The following ADGRB3 variants were observed in gnomAD, a reference collection of about 807,000 sequenced individuals.
ADGRB3 encodes the protein adhesion G protein-coupled receptor B3.
In ADGRB3, 37 loss-of-function variants were observed where a neutral mutation model predicts 193.4. That is an observed-to-expected ratio of 0.19 (90% CI 0.15 to 0.25). The LOEUF (loss-of-function observed/expected upper bound fraction) is 0.25. Ranked by LOEUF, ADGRB3 falls within the 10% of genes least tolerant of loss-of-function variation. ADGRB3 has a pLI of 1.00. For synonymous variants in ADGRB3, 690 were observed against 644.2 expected, an observed-to-expected ratio of 1.07 and a Z score of -1.08; for missense variants, 1,637 against 1,852.9, an observed-to-expected ratio of 0.88 and a Z score of 2.14.
chr6:68,854,379 G>A (rs1489580213), intron 3 of ADGRB3, among the ~76,000 whole-genome samples: 3 of 152,124 alleles, frequency 2.0e-5, no homozygotes, highest in Admixed American at 6.5e-5. Flanking sequence ...TGCTAAGAAG[G>A]TGGATGTATT....
intron 17 of ADGRB3, among the ~76,000 whole-genome samples, chr6:69,213,099 A>T (rs1490657134): frequency 1.3e-5 from 2 of 152,190 alleles, no homozygotes; most frequent in Non-Finnish European, 2.9e-5. Context: ...TTTTGTGAAG[A>T]CTGTGAATAC....
intron 8 of ADGRB3, among the ~76,000 whole-genome samples, chr6:68,968,173 C>T (rs564945506): frequency 6.6e-6 from 1 of 152,108 alleles, no homozygotes; most frequent in Admixed American, 6.6e-5. Context: ...CTCTTACTCC[C>T]CACCTTGATT....
intron 3 of ADGRB3, among the ~76,000 whole-genome samples, chr6:68,913,257 C>T (rs926811477): frequency 6.6e-6 from 1 of 152,136 alleles, no homozygotes; most frequent in Non-Finnish European, 1.5e-5. Flanking sequence ...GGGTCCCTGA[C>T]CCCTGACCCC....
chr6:69,237,610 C>T (rs1009636156), intron 19 of ADGRB3, among the ~76,000 whole-genome samples: 18 of 152,060 alleles, frequency 1.2e-4, no homozygotes, highest in African/African-American at 3.9e-4. Context: ...AAAATAGAAA[C>T]ATATAAAAAC....
chr6:68,979,167 A>G (rs1159329831), intron 10 of ADGRB3, among the ~76,000 whole-genome samples: 1 of 151,350 alleles, frequency 6.6e-6, no homozygotes, highest in Non-Finnish European at 1.5e-5. Flanking sequence ...CTAAGCATAT[A>G]CTATTAATAA....
At chr6:69,344,565 C>T (rs1769045134) in intron 26 of ADGRB3, among the ~76,000 whole-genome samples, 1 of 152,062 alleles carries the variant, frequency 6.6e-6, no homozygotes, top group Non-Finnish European at 1.5e-5. Flanking sequence ...AAAAATGAAG[C>T]CAGTAGTGAT....
At chr6:69,272,014 C>G (rs765012416) in intron 20 of ADGRB3, among the ~76,000 whole-genome samples, 145 of 152,106 alleles carry the variant, frequency 9.5e-4, no homozygotes, top group Non-Finnish European at 6.5e-4. Context: ...CAAGAAAATT[C>G]CAAACACATT....
At chr6:69,092,583 G>T (rs1772741067) in intron 17 of ADGRB3, among the ~76,000 whole-genome samples, 1 of 152,210 alleles carries the variant, frequency 6.6e-6, no homozygotes, top group Admixed American at 6.5e-5. Flanking sequence ...TTGTGTGCAA[G>T]TTACTGGCTG....
At chr6:68,824,619 TATATA>T (rs1333151137) in intron 3 of ADGRB3, among the ~76,000 whole-genome samples, 5 of 148,232 alleles carry the variant, frequency 3.4e-5, no homozygotes, top group Middle Eastern at 7.1e-3. Context: ...TATATCATAA[TATATA>T]ATATATTATA....
intron 3 of ADGRB3, among the ~76,000 whole-genome samples, chr6:68,837,665 T>G (rs967307888): frequency 1.3e-5 from 2 of 152,208 alleles, no homozygotes; most frequent in African/African-American, 4.8e-5. Context: ...GATATGGGCT[T>G]AAAGATGATC....
At chr6:69,004,597 T>C (rs1254665914) in intron 11 of ADGRB3, among the ~76,000 whole-genome samples, 5 of 131,244 alleles carry the variant, frequency 3.8e-5, no homozygotes, top group African/African-American at 1.4e-4. Flanking sequence ...TGGTGTGTGA[T>C]GTTCCCCACC....
intron 20 of ADGRB3, among the ~76,000 whole-genome samples, chr6:69,263,752 C>T (rs1582588799): frequency 6.6e-6 from 1 of 152,024 alleles, no homozygotes; most frequent in Middle Eastern, 3.4e-3. Flanking sequence ...TGTACTATCT[C>T]ACAGTAACTC....
At chr6:68,787,027 T>C (rs1766987984) in intron 3 of ADGRB3, among the ~76,000 whole-genome samples, 1 of 152,190 alleles carries the variant, frequency 6.6e-6, no homozygotes. Flanking sequence ...TTTGCTGAAG[T>C]TCTTATCAGC....
At chr6:68,860,216 G>A (rs555910693) in intron 3 of ADGRB3, among the ~76,000 whole-genome samples, 1 of 152,062 alleles carries the variant, frequency 6.6e-6, no homozygotes, top group East Asian at 1.9e-4. Flanking sequence ...AGTTCAAAAG[G>A]GGAAGAATCT....
chr6:69,107,871 TA>T (rs780481959), intron 17 of ADGRB3, among the ~76,000 whole-genome samples: 23 of 151,986 alleles, frequency 1.5e-4, no homozygotes, highest in Non-Finnish European at 2.9e-4. Context: ...ATGGCAACAG[TA>T]GACACTTGAG....
chr6:69,010,541 A>T (rs1221684189), intron 11 of ADGRB3, among the ~76,000 whole-genome samples: 2 of 152,118 alleles, frequency 1.3e-5, no homozygotes, highest in Non-Finnish European at 2.9e-5. Flanking sequence ...TACTGTGTTA[A>T]GAATTAACTC....
chr6:68,737,781 C>G (rs141493738), intron 3 of ADGRB3, among the ~76,000 whole-genome samples: 94 of 152,254 alleles, frequency 6.2e-4, no homozygotes, highest in African/African-American at 1.9e-3. Context: ...AAAGGTTAGA[C>G]TGAAAGTCTT....
chr6:69,252,597 A>G (rs1462369493), intron 20 of ADGRB3, among the ~76,000 whole-genome samples: 1 of 152,106 alleles, frequency 6.6e-6, no homozygotes, highest in Non-Finnish European at 1.5e-5. Context: ...TCCTCTAATA[A>G]CTAATAAAGT....
chr6:69,252,817 A>G (rs1266043972), intron 20 of ADGRB3, among the ~76,000 whole-genome samples: 4 of 152,056 alleles, frequency 2.6e-5, no homozygotes, highest in Non-Finnish European at 4.4e-5. Flanking sequence ...TTAAAAAAAT[A>G]GTTTGTGTTT....
Sources: allele counts gnomAD v4.1 joint callset (sites outside exome capture counted in the v4.1 genomes callset), GRCh38; gene constraint gnomAD v4.1.1; transcripts MANE v1.5; gene names NCBI Gene and HGNC (gene_info 2026-07-23, HGNC 2026-07-21).